Variants in PPP1R9A observed in about 807,000 individuals in gnomAD.
PPP1R9A encodes the protein protein phosphatase 1 regulatory subunit 9A.
In PPP1R9A, 59 loss-of-function variants were observed where a neutral mutation model predicts 141.9. That is an observed-to-expected ratio of 0.42 (90% confidence interval 0.34 to 0.52). The LOEUF is 0.52. Among genes scored for constraint, PPP1R9A ranks in the 20% least tolerant of loss-of-function variants. The pLI, the probability that PPP1R9A is intolerant of heterozygous loss-of-function variation, is 0.10. For synonymous variants in PPP1R9A, 500 were observed against 569.7 expected, an observed-to-expected ratio of 0.88 and a Z score of 1.74; for missense variants, 1,444 against 1,611.9, an observed-to-expected ratio of 0.90 and a Z score of 1.78.
intron 2 of PPP1R9A, among the ~76,000 whole-genome samples, chr7:95,019,759 A>G (rs1315047174): frequency 1.3e-5 from 2 of 152,176 alleles, no homozygotes; most frequent in Non-Finnish European, 2.9e-5. Flanking sequence ...AATTATATAT[A>G]TCGCTGAAGT....
At chr7:94,937,544 C>A (rs1397917626) in intron 2 of PPP1R9A, among the ~76,000 whole-genome samples, 1 of 152,172 alleles carries the variant, frequency 6.6e-6, no homozygotes, top group Non-Finnish European at 1.5e-5. Context: ...ATGGCCACAG[C>A]TATCAACATA....
chr7:95,003,974 C>G (rs773415014), intron 2 of PPP1R9A, among the ~76,000 whole-genome samples: 4 of 151,978 alleles, frequency 2.6e-5, no homozygotes, highest in Non-Finnish European at 4.4e-5. Context: ...GATTTTGCAC[C>G]CTTTGTACCA....
chr7:95,062,996 G>A (rs1317870766), intron 2 of PPP1R9A, among the ~76,000 whole-genome samples: 1 of 152,154 alleles, frequency 6.6e-6, no homozygotes, highest in Non-Finnish European at 1.5e-5. Flanking sequence ...CAAATAGAGT[G>A]TTGTGATGAA....
intron 4 of PPP1R9A, among the ~76,000 whole-genome samples, chr7:95,121,503 A>G (rs1430296257): frequency 7.1e-6 from 1 of 139,974 alleles, no homozygotes; most frequent in Non-Finnish European, 1.6e-5. Flanking sequence ...CTATCTATCT[A>G]TCTATCTTAG....
At chr7:95,028,720 TAAAG>T in intron 2 of PPP1R9A, among the ~76,000 whole-genome samples, 1 of 152,192 alleles carries the variant, frequency 6.6e-6, no homozygotes, top group Admixed American at 6.5e-5. Flanking sequence ...GCTTGTTACG[TAAAG>T]AACATCCTAT....
intron 16 of PPP1R9A, among the ~76,000 whole-genome samples, chr7:95,277,705 G>C (rs1017880884): frequency 1.3e-5 from 2 of 152,164 alleles, no homozygotes; most frequent in Non-Finnish European, 2.9e-5. Flanking sequence ...GGGATTATAG[G>C]CACAAGCCAC....
intron 19 of PPP1R9A, 69 bp from the exon 20 acceptor site, chr7:95,290,022 T>A (rs2116085097): frequency 6.4e-7 from 1 of 1,574,588 alleles, no homozygotes; most frequent in African/African-American, 1.4e-5. Flanking sequence ...CTTGGATATA[T>A]GGTATGTTAA....
In PPP1R9A at chr7:95,084,963, C is replaced by T. The variant is rs527776648; in HGVS notation, c.1396-26296C>T. On this transcript the variant is annotated intron_variant, in intron 2 of 19. Transcript: ENST00000433360. ...ATGTGAACTAGCCAGGTTTTAGGTT[C>T]GTATATGTATCTTTACCGTTAGTGT... Among the ~76,000 whole-genome samples, 14 of 152,024 alleles carry T rather than the reference C, an allele frequency of 9.2e-5. 1 individual carries two copies. In the South Asian group the frequency reaches 2.3e-3, roughly 25 times the overall value.
chr7:95,051,509 C>T (rs61557202), intron 2 of PPP1R9A, among the ~76,000 whole-genome samples: 6,765 of 152,144 alleles, frequency 0.044, 217 homozygotes, highest in African/African-American at 0.083. Context: ...TATCAATATC[C>T]ACAAAATAAC....
intron 2 of PPP1R9A, among the ~76,000 whole-genome samples, chr7:95,044,445 GA>G (rs1302956016): frequency 2.0e-5 from 3 of 152,002 alleles, no homozygotes; most frequent in Non-Finnish European, 2.9e-5. Context: ...TTTCTAACTT[GA>G]AAGGGTCTAA....
intron 5 of PPP1R9A, among the ~76,000 whole-genome samples, chr7:95,165,101 A>G (rs541864269): frequency 6.6e-6 from 1 of 151,990 alleles, no homozygotes; most frequent in East Asian, 1.9e-4. Context: ...TGTTGTCCAA[A>G]CTCAAATTCA....
rs941977339 is a variant in PPP1R9A at position 95,289,766 on chromosome 7, A to T, written c.3913-325A>T. ...TGAAAATATTGATGAGTTTAGCAAT[A>T]CCTTTACCCGTAAATGCCTACAGCC... On this transcript the variant is annotated intron_variant, in intron 19 of 19. Coordinates refer to ENST00000433360, the MANE Select transcript of PPP1R9A (RefSeq NM_001166160.2). 3.3e-5 allele frequency among the ~76,000 whole-genome samples: 5 copies of T among 152,174 alleles called. 1 individual carries two copies. Among genetic ancestry groups the T allele is most frequent in the Admixed American group, 3.3e-4 (5 of 15,280 alleles).
At chr7:95,118,458 C>T (rs530642837) in intron 3 of PPP1R9A, among the ~76,000 whole-genome samples, 56 of 152,152 alleles carry the variant, frequency 3.7e-4, no homozygotes, top group Non-Finnish European at 5.7e-4. Context: ...GAAGTGCCTT[C>T]AGCTGGGGTT....
chr7:95,052,049 A>AGGTTGGTCTT (rs1810891497), intron 2 of PPP1R9A, among the ~76,000 whole-genome samples: 2 of 152,014 alleles, frequency 1.3e-5, no homozygotes, highest in Non-Finnish European at 2.9e-5. Flanking sequence ...CGAGTTGGCC[A>AGGTTGGTCTT]GGTTGGTCTT....
chr7:95,254,622 T>G (rs1346630631), intron 12 of PPP1R9A, among the ~76,000 whole-genome samples: 1 of 152,188 alleles, frequency 6.6e-6, no homozygotes, highest in Non-Finnish European at 1.5e-5. Context: ...TAGCATGTTT[T>G]TAGGCATTGA....
Position 95,276,540 on chromosome 7 carries a change from A to G in PPP1R9A, c.3296+2372A>G, listed in dbSNP as rs150639601. 4.2e-3 allele frequency among the ~76,000 whole-genome samples: 633 copies of G among 152,282 alleles called. 4 individuals are homozygous for G. The highest frequency in any genetic ancestry group is 0.014 in the African/African-American group (563 of 41,568). On this transcript the variant is annotated intron_variant, in intron 16 of 19. Transcript: ENST00000433360. ...ATTCAGCAGTCAGAAATTATTGTAC[A>G]CATACCCACACTACAAACTAGTTTC...
intron 4 of PPP1R9A, among the ~76,000 whole-genome samples, chr7:95,122,179 T>C (rs1822747164): frequency 6.8e-6 from 1 of 146,394 alleles, no homozygotes; most frequent in Non-Finnish European, 1.5e-5. Flanking sequence ...TGGCATCTCA[T>C]TGTGTTGCCT....
At chr7:94,973,378 T>C (rs1799070799) in intron 2 of PPP1R9A, among the ~76,000 whole-genome samples, 1 of 152,192 alleles carries the variant, frequency 6.6e-6, no homozygotes, top group Admixed American at 6.5e-5. Flanking sequence ...CCTTGAATTG[T>C]AATGATGTCA....
At chr7:95,263,279 T>C (rs145827649) in intron 12 of PPP1R9A, among the ~76,000 whole-genome samples, 7 of 152,344 alleles carry the variant, frequency 4.6e-5, no homozygotes, top group African/African-American at 1.2e-4. Flanking sequence ...TGTAAACAAT[T>C]ACATAATACA....
Sources: gnomAD v4.1 joint callset for allele counts (sites outside exome capture counted in the v4.1 genomes callset) on GRCh38, gnomAD v4.1.1 for gene constraint, MANE v1.5 for transcripts, NCBI Gene and HGNC (gene_info 2026-07-23, HGNC 2026-07-21) for gene names.